IL17B: variants seen among roughly 807,000 people sequenced by gnomAD.
The protein encoded by IL17B is interleukin-17B.
Under a neutral mutation model 14.7 loss-of-function variants are expected in IL17B, and 14 were observed. The ratio of observed to expected loss-of-function variants is 0.95; its 90% CI spans 0.63 to 1.49. The LOEUF is 1.49. IL17B is among the 40% of genes most tolerant of loss of function. The pLI, the probability that IL17B is intolerant of heterozygous loss-of-function variation, is 0.00. For missense variants in IL17B, 233 were observed against 252.8 expected (o/e 0.92, Z 0.53); for synonymous variants, 105 against 94.8 (o/e 1.11, Z -0.62).
upstream of IL17B, among the ~76,000 whole-genome samples, chr5:149,382,037 G>A (rs1758711812): frequency 6.6e-6 from 1 of 152,226 alleles, no homozygotes; most frequent in South Asian, 2.1e-4. Flanking sequence ...GCCCCGCCAG[G>A]AGCAGTGCTG....
chr5:149,401,754 C>CAAAT, intron 1 of IL17B, among the ~76,000 whole-genome samples: 1 of 152,188 alleles, frequency 6.6e-6, no homozygotes, highest in African/African-American at 2.4e-5. Flanking sequence ...GAAACCCTCT[C>CAAAT]AAATAAATAA....
intron 1 of IL17B, among the ~76,000 whole-genome samples, chr5:149,391,390 G>A (rs866999527): frequency 6.6e-6 from 1 of 152,272 alleles, no homozygotes; most frequent in Middle Eastern, 3.4e-3. Context: ...CAGCCACGGG[G>A]GTGTCACCAA....
chr5:149,390,227 T>G (rs374987439), intron 1 of IL17B, among the ~76,000 whole-genome samples: 22 of 133,646 alleles, frequency 1.6e-4, no homozygotes, highest in Middle Eastern at 7.5e-3. Flanking sequence ...ACCCCCCCCC[T>G]CCCTGTCCCT....
chr5:149,392,948 G>A (rs2895850), intron 1 of IL17B, among the ~76,000 whole-genome samples: 51,356 of 129,992 alleles, frequency 0.4, 9,273 homozygotes, highest in African/African-American at 0.47. Context: ...GCGTGTGTGC[G>A]TGCGTGTGTG....
intron 1 of IL17B, among the ~76,000 whole-genome samples, chr5:149,397,070 C>T (rs1759108157): frequency 6.6e-6 from 1 of 152,188 alleles, no homozygotes; most frequent in African/African-American, 2.4e-5. Flanking sequence ...TTGTGGTCTA[C>T]ACATTCTGCA....
intron 1 of IL17B, among the ~76,000 whole-genome samples, chr5:149,399,581 T>A (rs1378015288): frequency 6.6e-6 from 1 of 152,164 alleles, no homozygotes; most frequent in Non-Finnish European, 1.5e-5. Context: ...GTTCCCAGCA[T>A]GTGGCACAAG....
intron 1 of IL17B, among the ~76,000 whole-genome samples, chr5:149,400,221 C>A (rs1431798132): frequency 6.6e-6 from 1 of 151,996 alleles, no homozygotes; most frequent in Non-Finnish European, 1.5e-5. Flanking sequence ...AAAAGAGTAC[C>A]TTTGGAAACA....
In IL17B at chr5:149,379,244, CAG is replaced by C; in HGVS notation, c.-21_-20del. The C allele has an allele frequency of 6.2e-7, 1 of 1,613,794 alleles. No homozygotes were observed. Among genetic ancestry groups the C allele is most frequent in the Non-Finnish European group, 8.5e-7 (1 of 1,179,868 alleles). Reference sequence around the variant, plus strand: ...AGTCCATTCCGCCAAGCTGCAAGGTCAGCCTGCAGCTGCTGCCCGCCTGGAAC... The same window carrying C: ...AGTCCATTCCGCCAAGCTGCAAGGTCCCTGCAGCTGCTGCCCGCCTGGAAC... On this transcript the variant is annotated 5_prime_UTR_variant, in exon 1 of 3. Coordinates refer to ENST00000261796, the MANE Select transcript of IL17B (RefSeq NM_014443.3).
chr5:149,391,157 G>T (rs867252251), intron 1 of IL17B, among the ~76,000 whole-genome samples: 1 of 152,168 alleles, frequency 6.6e-6, no homozygotes, highest in Admixed American at 6.5e-5. Context: ...GTAGAGATGG[G>T]ATTTTACCAT....
In IL17B at chr5:149,374,402, C is replaced by G; in HGVS notation, c.510G>C (p.Glu170Asp). 6.3e-7 allele frequency: 1 copy of G among 1,599,704 alleles called. No homozygotes were observed. The highest frequency in any genetic ancestry group is 8.5e-7 in the Non-Finnish European group (1 of 1,176,020). Reference sequence around the variant, plus strand: ...TGCAGGTGCAGCCCACAGCGATGGTCTCCATGACTGCGCGCTGGCGGCAAG... The same window carrying G: ...TGCAGGTGCAGCCCACAGCGATGGTGTCCATGACTGCGCGCTGGCGGCAAG... Reference protein sequence around the residue: ...TGPCRQRAVMETIAVGCTCIF With the variant: ...TGPCRQRAVMDTIAVGCTCIF Residue 170 changes from glutamate to aspartate, a missense_variant, in exon 3 of 3, where the codon GAG becomes GAC. Coordinates refer to ENST00000261796, the MANE Select transcript of IL17B (RefSeq NM_014443.3). This position sits in a 1 kb window ranked among gnomAD's most constrained non-coding sequence, Gnocchi z 5.0.
chr5:149,381,094 A>T (rs576870665), upstream of IL17B, among the ~76,000 whole-genome samples: 1 of 152,290 alleles, frequency 6.6e-6, no homozygotes, highest in Non-Finnish European at 1.5e-5. Flanking sequence ...ACAGACATGC[A>T]ACTGGGGTGA....
At chr5:149,387,412 G>A (rs1041631548) in intron 1 of IL17B, among the ~76,000 whole-genome samples, 2 of 152,176 alleles carry the variant, frequency 1.3e-5, no homozygotes, top group Non-Finnish European at 2.9e-5. Context: ...AAGGACCCAC[G>A]CAGATGCTGA....
chr5:149,383,666 G>A (rs111698283), upstream of IL17B, among the ~76,000 whole-genome samples: 720 of 152,324 alleles, frequency 4.7e-3, 5 homozygotes, highest in Middle Eastern at 0.041. Flanking sequence ...ATCCCTGGAC[G>A]GGAACATTGT....
intron 1 of IL17B, among the ~76,000 whole-genome samples, chr5:149,387,382 G>A (rs1217254733): frequency 3.3e-5 from 5 of 152,222 alleles, no homozygotes; most frequent in African/African-American, 9.6e-5. Context: ...ATGGCTGTGG[G>A]AGATGGAAGG....
In IL17B at chr5:149,376,732, C is replaced by G. The variant is rs777478290; in HGVS notation, c.311+4G>C. 2 of 1,598,800 alleles carry G rather than the reference C, an allele frequency of 1.3e-6. No individual in the cohort carries two copies. Among genetic ancestry groups the G allele is most frequent in the Non-Finnish European group, 1.7e-6 (2 of 1,172,104 alleles). On this transcript the variant is annotated splice_donor_region_variant and intron_variant, in intron 2 of 2. Coordinates refer to ENST00000261796, the MANE Select transcript of IL17B (RefSeq NM_014443.3). ...AGACAGCTTGCCACCACTGCCCAGCCTACCTGTAGCCCCAGGGAGACAGGC... is the reference window on the plus strand; with the variant it reads ...AGACAGCTTGCCACCACTGCCCAGCGTACCTGTAGCCCCAGGGAGACAGGC...
intron 1 of IL17B, among the ~76,000 whole-genome samples, chr5:149,386,150 G>A (rs548724921): frequency 2.6e-5 from 4 of 152,312 alleles, no homozygotes; most frequent in Admixed American, 2.6e-4. Context: ...GGTGTATTGT[G>A]TGAGTGCAAA....
chr5:149,390,587 G>C (rs1581393084), intron 1 of IL17B, among the ~76,000 whole-genome samples: 4 of 114,946 alleles, frequency 3.5e-5, no homozygotes. Context: ...CCCTGAGTTA[G>C]CACACACACA....
At chr5:149,384,328 C>T (rs1758775619) in intron 1 of IL17B, among the ~76,000 whole-genome samples, 1 of 152,146 alleles carries the variant, frequency 6.6e-6, no homozygotes, top group Non-Finnish European at 1.5e-5. Flanking sequence ...TGTTAAAATG[C>T]ATTAATCATT....
intron 1 of IL17B, 109 bp from the exon 2 acceptor site, chr5:149,377,134 G>A: frequency 1.1e-6 from 1 of 885,286 alleles, no homozygotes; most frequent in Non-Finnish European, 1.7e-6. Context: ...CCCAGGCTCA[G>A]GTCTGACTCT....
Sources: allele counts gnomAD v4.1 joint callset (sites outside exome capture counted in the v4.1 genomes callset), GRCh38; gene constraint gnomAD v4.1.1; non-coding constraint Gnocchi (gnomAD v3.1); transcripts MANE v1.5; gene names NCBI Gene and HGNC (gene_info 2026-07-23, HGNC 2026-07-21).